Variants in H2BC12 observed in about 807,000 individuals in gnomAD.
H2BC12 encodes H2B clustered histone 12, also known as histone H2B type 1-K.
Under a neutral mutation model 6.3 loss-of-function variants are expected in H2BC12, and 6 were observed. The observed-to-expected ratio is 0.95, with a 90% CI of 0.52 to 1.87. H2BC12 has a LOEUF of 1.87. H2BC12 is among the 40% of genes most tolerant of loss of function. H2BC12 has a pLI of 0.01. For synonymous variants in H2BC12, 132 were observed against 78.5 expected (o/e 1.68, Z -3.60); for missense variants, 119 against 178.4 (o/e 0.67, Z 1.90).
rs546707387 is a variant in H2BC12, at chr6:27,146,751, C to T, written c.48G>A (p.Lys16=). The change falls in exon 1 of 1, where the codon AAG becomes AAA. Residue 16 remains lysine, a synonymous_variant. Transcript: ENST00000356950. ...TCTTCTGCGCCTTAGTCACGGCTTT[C>T]TTCGAGCCCTTCTTGGGCGCGGGAG... ...KSAPAPKKGS[K]KAVTKAQKKD... 14 of 1,614,258 alleles carry T rather than the reference C, an allele frequency of 8.7e-6. No homozygotes were observed. The highest frequency in any genetic ancestry group is 4.0e-5 in the African/African-American group (3 of 75,066).
At position 27,146,423 on chromosome 6, in the gene H2BC12, T is replaced by C; in HGVS notation, c.376A>G (p.Lys126Glu). The change falls in exon 1 of 1, where the codon AAG (lysine) becomes GAG (glutamate). Residue 126 changes from lysine (K) to glutamate (E), a missense_variant. Physicochemically the swap from Lys to Glu is moderately conservative, Grantham distance 56. Around this residue, in one of 2 missense-constraint regions of H2BC12, gnomAD observed 69 missense variants for 141.0 expected, o/e 0.49. Coordinates refer to ENST00000356950, the MANE Select transcript of H2BC12 (RefSeq NM_001312653.2). The stretch of plus-strand genomic sequence containing the variant: ...AAGACGCTTACTTGGCAAGTTTACT[T>C]AGCGCTGGTGTACTTGGTGACGGCC... ...TKAVTKYTSA[K>E] 5 of 1,614,242 alleles carry C rather than the reference T, an allele frequency of 3.1e-6. No homozygotes were observed. The highest frequency in any genetic ancestry group is 4.2e-6 in the Non-Finnish European group (5 of 1,180,042).
the H2BC12 span, chr6:27,139,723 G>A: frequency 2.1e-6 from 3 of 1,454,760 alleles, no homozygotes; most frequent in Middle Eastern, 2.1e-4. Flanking sequence ...CTCTTAATAG[G>A]GCCATTGTCA....
At chr6:27,141,244 G>A in the H2BC12 span, among the ~76,000 whole-genome samples, 1 of 151,440 alleles carries the variant, frequency 6.6e-6, no homozygotes, top group Non-Finnish European at 1.5e-5. Context: ...TTACAAAAGG[G>A]ACAAAAGAAA....
At chr6:27,139,779 A>G in the H2BC12 span, 2 of 1,230,000 alleles carry the variant, frequency 1.6e-6, no homozygotes, top group Non-Finnish European at 2.2e-6. Context: ...GACGCCGAAA[A>G]TGGGCTGATG....
At chr6:27,146,137 G>A (rs1760074687), downstream of H2BC12, among the ~76,000 whole-genome samples, 1 of 152,196 alleles carries the variant, frequency 6.6e-6, no homozygotes, top group African/African-American at 2.4e-5. Flanking sequence ...GAGCCAGGAA[G>A]CACTTTCTGT....
downstream of H2BC12, among the ~76,000 whole-genome samples, chr6:27,142,273 T>C (rs1400942288): frequency 6.6e-6 from 1 of 152,086 alleles, no homozygotes; most frequent in Non-Finnish European, 1.5e-5. Context: ...AAATTAACTT[T>C]TTTAACTTTT....
chr6:27,142,309 G>A (rs938093873), downstream of H2BC12, among the ~76,000 whole-genome samples: 3 of 151,744 alleles, frequency 2.0e-5, no homozygotes, highest in Non-Finnish European at 2.9e-5. Flanking sequence ...TCTCGCTTTC[G>A]TCCCCCAGGC....
chr6:27,139,193 A>G, the H2BC12 span: 6 of 1,169,546 alleles, frequency 5.1e-6, no homozygotes, highest in Admixed American at 2.8e-5. Flanking sequence ...CCCTCCCCCA[A>G]TGCAGAGGGA....
At position 27,146,816 on chromosome 6, in the gene H2BC12, A is replaced by T. The variant is rs1156720077; in HGVS notation, c.-18T>A. 4 of 1,611,204 alleles carry T rather than the reference A, an allele frequency of 2.5e-6. No individual in the cohort carries two copies. The highest frequency in any genetic ancestry group is 2.2e-5 in the East Asian group (1 of 44,864). On this transcript the variant is annotated 5_prime_UTR_variant, in exon 1 of 1. Coordinates refer to ENST00000356950, the MANE Select transcript of H2BC12 (RefSeq NM_001312653.2). The stretch of plus-strand genomic sequence containing the variant: ...TCCGGCATGTTGAAGGCGAACTACG[A>T]GCCTGAGACGAGCAGCAGATCGAGA...
downstream of H2BC12, among the ~76,000 whole-genome samples, chr6:27,146,171 C>T (rs1269682491): frequency 6.6e-6 from 1 of 152,208 alleles, no homozygotes; most frequent in African/African-American, 2.4e-5. Flanking sequence ...CTGCACATCC[C>T]TAATTTTTTA....
chr6:27,142,709 T>C (rs896822711), downstream of H2BC12, among the ~76,000 whole-genome samples: 1 of 141,318 alleles, frequency 7.1e-6, no homozygotes, highest in African/African-American at 2.7e-5. Flanking sequence ...CAATTTTGGC[T>C]CACTGCAACC....
chr6:27,139,303 TTGA>T, the H2BC12 span: 1 of 1,599,908 alleles, frequency 6.3e-7, no homozygotes, highest in Admixed American at 1.7e-5. Flanking sequence ...CTCTGACCAC[TTGA>T]TAATGTCAGG....
At chr6:27,138,835 G>C in the H2BC12 span, 1 of 152,314 alleles carries the variant, frequency 6.6e-6, no homozygotes, top group Non-Finnish European at 1.5e-5. Flanking sequence ...ATGAAAATAA[G>C]TAGAAAAGAA....
chr6:27,141,354 TAG>T, the H2BC12 span, among the ~76,000 whole-genome samples: 1 of 151,156 alleles, frequency 6.6e-6, no homozygotes, highest in Admixed American at 6.6e-5. Flanking sequence ...TCTTGTGAGA[TAG>T]ATTTTATTAC....
chr6:27,146,542 T>C lies in H2BC12; in HGVS notation c.257A>G (p.Lys86Arg). The C allele has an allele frequency of 6.2e-7, 1 of 1,614,216 alleles. No homozygotes were observed. Among genetic ancestry groups the C allele is most frequent in the Non-Finnish European group, 8.5e-7 (1 of 1,180,040 alleles). Residue 86 changes from lysine (K) to arginine (R), a missense_variant, in exon 1 of 1, where the codon AAG becomes AGG. Coordinates refer to ENST00000356950, the MANE Select transcript of H2BC12 (RefSeq NM_001312653.2). ...CTCCCTGGAGGTGATGGTCGAGCGC[T>C]TGTTGTAATGCGCCAGGCGGGAAGC... is the stretch of plus-strand genomic sequence containing the variant. ...GEASRLAHYN[K>R]RSTITSREIQ...
In H2BC12 at chr6:27,146,693, C is replaced by A. The variant is rs554923771; in HGVS notation, c.106G>T (p.Glu36Ter). The change falls in exon 1 of 1, where the codon GAG (glutamate) becomes TAG (stop). Residue 36 changes from glutamate (E) to a stop codon, truncating the protein, a stop_gained. Transcript: ENST00000356950. LOFTEE classifies it high-confidence loss of function. ...TTGTACACGTATACGGAGTAGCTCT[C>A]CTTGCGGCTGCGCTTGCGCTTCTTG... is the stretch of plus-strand genomic sequence containing the variant. ...DGKKRKRSRK[E>*]SYSVYVYKVL... 6.2e-7 allele frequency: 1 copy of A among 1,614,258 alleles called. No individual in the cohort carries two copies. Among genetic ancestry groups the A allele is most frequent in the African/African-American group, 1.3e-5 (1 of 75,062 alleles).
At chr6:27,144,848 G>C (rs543793712), downstream of H2BC12, among the ~76,000 whole-genome samples, 9 of 152,196 alleles carry the variant, frequency 5.9e-5, no homozygotes, top group Middle Eastern at 3.4e-3. Context: ...CCAGGCTGGA[G>C]TGCAGTGAGG....
At chr6:27,141,270 G>A in the H2BC12 span, among the ~76,000 whole-genome samples, 3 of 151,688 alleles carry the variant, frequency 2.0e-5, no homozygotes, top group East Asian at 3.9e-4. Flanking sequence ...AAAGAGGAAA[G>A]TAATGCCTAA....
At chr6:27,142,852 G>T (rs1304779703), downstream of H2BC12, among the ~76,000 whole-genome samples, 5 of 149,484 alleles carry the variant, frequency 3.3e-5, no homozygotes, top group African/African-American at 1.2e-4. Flanking sequence ...GGCCAGGCAG[G>T]TCTCAAACTC....
Sources: allele counts gnomAD v4.1 joint callset (sites outside exome capture counted in the v4.1 genomes callset), GRCh38; gene constraint gnomAD v4.1.1; regional missense constraint gnomAD v4.1.1; transcripts MANE v1.5; gene names NCBI Gene and HGNC (gene_info 2026-07-23, HGNC 2026-07-21).